The following NTRK2 variants were observed in gnomAD, a reference collection of about 807,000 sequenced individuals.
NTRK2 encodes BDNF/NT-3 growth factors receptor.
NTRK2 carries 13 observed loss-of-function variants against 94.5 expected under a neutral mutation model. The ratio of observed to expected loss-of-function variants is 0.14; its 90% confidence interval spans 0.09 to 0.22. NTRK2 has a LOEUF of 0.22. NTRK2 is among the 10% of genes least tolerant of loss of function. The probability of loss-of-function intolerance (pLI) is 1.00; values close to 1 mark genes in which losing one functional copy is unlikely to be tolerated. For synonymous variants in NTRK2, 372 were observed against 407.4 expected (o/e 0.91, Z 1.05); for missense variants, 639 against 1,071.2 (o/e 0.60, Z 5.63).
At chr9:84,671,338 A>G (rs2058687012) in intron 2 of NTRK2, among the ~76,000 whole-genome samples, 1 of 152,200 alleles carries the variant, frequency 6.6e-6, no homozygotes, top group Non-Finnish European at 1.5e-5. Flanking sequence ...GTTGTGTTAG[A>G]AGTTCCATTA....
intron 12 of NTRK2, among the ~76,000 whole-genome samples, chr9:84,768,987 A>C (rs1431155384): frequency 1.3e-5 from 2 of 152,110 alleles, no homozygotes; most frequent in Non-Finnish European, 2.9e-5. Context: ...ATTTTGGCTT[A>C]ACCAACTTAA....
At chr9:84,677,619 A>G (rs565275371) in intron 2 of NTRK2, among the ~76,000 whole-genome samples, 1 of 152,226 alleles carries the variant, frequency 6.6e-6, no homozygotes, top group Non-Finnish European at 1.5e-5. Flanking sequence ...CCCCTTGGTA[A>G]AGCAGAGCAT....
chr9:84,993,762 A>G (rs1434313633), intron 17 of NTRK2, among the ~76,000 whole-genome samples: 2 of 152,174 alleles, frequency 1.3e-5, no homozygotes, highest in Non-Finnish European at 2.9e-5. Context: ...CACTCTAGCT[A>G]TACTGGACTT....
chr9:84,710,466 G>GT (rs1312850032), intron 5 of NTRK2, among the ~76,000 whole-genome samples, 171 bp from the exon 6 acceptor site: 2 of 152,176 alleles, frequency 1.3e-5, no homozygotes, highest in Non-Finnish European at 2.9e-5. Context: ...GAGATGCTCC[G>GT]TAAGTATCAG....
At chr9:84,759,393 C>T (rs1212592042) in intron 12 of NTRK2, among the ~76,000 whole-genome samples, 1 of 152,264 alleles carries the variant, frequency 6.6e-6, no homozygotes, top group East Asian at 1.9e-4. Context: ...AAAGAATCGG[C>T]ATCTCTGCCT....
chr9:84,732,870 T>C (rs999283566), intron 9 of NTRK2, among the ~76,000 whole-genome samples: 1 of 152,318 alleles, frequency 6.6e-6, no homozygotes, highest in East Asian at 1.9e-4. Context: ...GTATTTCCCA[T>C]GACATGAACA....
At chr9:84,755,991 G>A (rs370478677) in intron 12 of NTRK2, among the ~76,000 whole-genome samples, 43 of 152,098 alleles carry the variant, frequency 2.8e-4, no homozygotes, top group African/African-American at 1.0e-3. Context: ...TTGATATGTA[G>A]CTACCATAAT....
chr9:85,020,107 A>G, intron 17 of NTRK2, 99 bp from the exon 18 acceptor site: 1 of 1,257,204 alleles, frequency 8.0e-7, no homozygotes, highest in Non-Finnish European at 1.2e-6. Flanking sequence ...TAAAACTATA[A>G]AGTGCAAATA....
intron 14 of NTRK2, chr9:84,875,667 G>A: frequency 9.5e-7 from 1 of 1,055,320 alleles, no homozygotes; most frequent in Non-Finnish European, 1.1e-6. Context: ...GCTGTGCAAG[G>A]ACCTCTGATA....
At position 84,707,825 on chromosome 9, in the gene NTRK2, T is replaced by C; in HGVS notation, c.360-19T>C. 1.3e-6 allele frequency: 2 copies of C among 1,589,962 alleles called. No homozygotes were observed. Among genetic ancestry groups the C allele is most frequent in the Non-Finnish European group, 1.7e-6 (2 of 1,158,640 alleles). ...TGTAACATTTTAAATTCATGTTTAA[T>C]GTTTTTGATTCCTTTCAGCAATTTT... is the stretch of plus-strand genomic sequence containing the variant. On this transcript the variant is annotated intron_variant, in intron 4 of 18. Coordinates refer to ENST00000277120, the MANE Select transcript of NTRK2 (RefSeq NM_006180.6).
At position 84,867,898 on chromosome 9, in the gene NTRK2, T is replaced by G. The variant is rs150945883; in HGVS notation, c.1633+467T>G. On this transcript the variant is annotated intron_variant, in intron 14 of 18. Coordinates refer to ENST00000277120, the MANE Select transcript of NTRK2 (RefSeq NM_006180.6). Reference sequence around the variant, plus strand: ...GGTATCAGTTTGGGGAGTCCTGTATTCTTTGCTCAGTCCGAGTTCCCAGCA... The same window carrying G: ...GGTATCAGTTTGGGGAGTCCTGTATGCTTTGCTCAGTCCGAGTTCCCAGCA... Among the ~76,000 whole-genome samples the G allele has an allele frequency of 1.5e-3, 235 of 152,340 alleles. 5 individuals carry two copies. The South Asian group carries it at 0.034, about 22-fold the overall frequency.
intron 14 of NTRK2, chr9:84,874,727 G>A: frequency 9.4e-7 from 1 of 1,061,570 alleles, no homozygotes; most frequent in Non-Finnish European, 1.1e-6. Flanking sequence ...ACTGCCCTCT[G>A]AGACTGAGAG....
chr9:84,713,285 G>C (rs1237388649), intron 6 of NTRK2, among the ~76,000 whole-genome samples: 1 of 151,736 alleles, frequency 6.6e-6, no homozygotes, highest in Admixed American at 6.6e-5. Context: ...TTTCTTAATT[G>C]TTTGAAAGTG....
chr9:84,909,740 A>G (rs1472482392), intron 14 of NTRK2, among the ~76,000 whole-genome samples: 1 of 152,072 alleles, frequency 6.6e-6, no homozygotes, highest in Admixed American at 6.6e-5. Flanking sequence ...GTGAAATGTC[A>G]TCTCTTCATC....
At chr9:84,968,268 AG>A (rs1365790784) in intron 17 of NTRK2, among the ~76,000 whole-genome samples, 1 of 152,184 alleles carries the variant, frequency 6.6e-6, no homozygotes, top group East Asian at 1.9e-4. Flanking sequence ...CTGTGCCCTC[AG>A]CACACCCCTG....
At chr9:84,797,651 A>T (rs1345351981) in intron 12 of NTRK2, among the ~76,000 whole-genome samples, 1,336 of 41,614 alleles carry the variant, frequency 0.032, 326 homozygotes, top group African/African-American at 0.15. Flanking sequence ...TACTATAATA[A>T]TATATATATT....
In NTRK2 at chr9:84,996,342, G is replaced by A. The variant is rs148559045; in HGVS notation, c.2173-23864G>A. 7.2e-4 allele frequency among the ~76,000 whole-genome samples: 109 copies of A among 152,340 alleles called. 1 individual carries two copies. Among genetic ancestry groups the A allele is most frequent in the African/African-American group, 2.6e-3 (108 of 41,584 alleles). On this transcript the variant is annotated intron_variant, in intron 17 of 18. Transcript: ENST00000277120. ...TCTTACTCAGCCAAGTTTACAAAAG[G>A]AAACTTTAAGGCATTTCATCAGAGG...
In NTRK2 at chr9:84,991,440, C is replaced by T. The variant is rs13290311; in HGVS notation, c.2173-28766C>T. On this transcript the variant is annotated intron_variant, in intron 17 of 18. Transcript: ENST00000277120. ...TCCTCTCAGCCAGGTATTATCTATG[C>T]GAGTTTATCTGTCCAGTGGCACATT... is the stretch of plus-strand genomic sequence containing the variant. Among the ~76,000 whole-genome samples the T allele has an allele frequency of 4.0e-3, 604 of 152,274 alleles. 3 individuals carry two copies. The highest frequency in any genetic ancestry group is 7.0e-3 in the Non-Finnish European group (479 of 68,018).
intron 12 of NTRK2, chr9:84,812,770 T>G (rs943651617): frequency 1.9e-6 from 2 of 1,036,008 alleles, no homozygotes; most frequent in African/African-American, 3.4e-5. Context: ...AAAGGAAAAA[T>G]AAAAAAAAAG....
Sources: allele counts gnomAD v4.1 joint callset (sites outside exome capture counted in the v4.1 genomes callset), GRCh38; gene constraint gnomAD v4.1.1; transcripts MANE v1.5; gene names NCBI Gene and HGNC (gene_info 2026-07-23, HGNC 2026-07-21).